NTN4: variants seen among roughly 807,000 people sequenced by gnomAD.
NTN4 encodes the protein netrin 4.
In NTN4, 32 loss-of-function variants were observed where a neutral mutation model predicts 73.6. The observed-to-expected ratio is 0.44, with a 90% CI of 0.33 to 0.58. NTN4 has a LOEUF of 0.58. NTN4 is among the 20% of genes least tolerant of loss of function. NTN4 has a pLI of 0.04. For synonymous variants in NTN4, 258 were observed against 287.5 expected, an observed-to-expected ratio of 0.90 and a Z score of 1.04; for missense variants, 654 against 798.3, an observed-to-expected ratio of 0.82 and a Z score of 2.18.
Position 95,659,230 on chromosome 12 carries a change from AG to A in NTN4, c.1751-9del, listed in dbSNP as rs778588408. ...CTACAAGGTATTCCAAACCTAAAAA[AG>A]AACAAAATTAGGGGCTATACAGTAT... On this transcript the variant is annotated splice_polypyrimidine_tract_variant and intron_variant, in intron 9 of 9. Transcript: ENST00000343702. 2.9e-4 allele frequency: 469 copies of A among 1,606,390 alleles called. No individual in the cohort carries two copies. The highest frequency in any genetic ancestry group is 3.7e-4 in the Non-Finnish European group (436 of 1,177,226).
At chr12:95,680,299 T>C (rs576608943) in intron 7 of NTN4, among the ~76,000 whole-genome samples, 2 of 152,316 alleles carry the variant, frequency 1.3e-5, no homozygotes, top group Admixed American at 1.3e-4. Flanking sequence ...CTACTACAAA[T>C]TCGTAAGAAA....
intron 3 of NTN4, among the ~76,000 whole-genome samples, chr12:95,735,362 C>T (rs1384777775): frequency 6.6e-6 from 1 of 152,154 alleles, no homozygotes; most frequent in East Asian, 1.9e-4. Context: ...GCCTTATCCA[C>T]AGTTTTGGCT....
intron 2 of NTN4, among the ~76,000 whole-genome samples, chr12:95,774,880 G>T (rs1013666497): frequency 2.6e-5 from 4 of 152,178 alleles, no homozygotes; most frequent in Non-Finnish European, 5.9e-5. Flanking sequence ...GTGAAGGAAC[G>T]GAATGTGTAT....
intron 2 of NTN4, among the ~76,000 whole-genome samples, chr12:95,779,337 C>T (rs142651659): frequency 0.88 from 133,800 of 152,228 alleles, 58,868 homozygotes; most frequent in South Asian, 0.91. Context: ...AGAAATAAAG[C>T]GTATTCAATT....
rs571269699 is a variant in NTN4 at position 95,781,405 on chromosome 12, C to G, written c.585+5534G>C. ...CTTGCCAGGAACTCATAGTCCTTGT[C>G]ACTGTCCATTCTATCAAACACAAAT... On this transcript the variant is annotated intron_variant, in intron 2 of 9. Coordinates refer to ENST00000343702, the MANE Select transcript of NTN4 (RefSeq NM_021229.4). The surrounding 1 kb of genome is among the most constrained non-coding windows in gnomAD (Gnocchi z 4.1). Among the ~76,000 whole-genome samples the G allele has an allele frequency of 6.6e-6, 1 of 152,312 alleles. No individual in the cohort carries two copies. The highest frequency in any genetic ancestry group is 1.9e-4 in the East Asian group (1 of 5,184).
At chr12:95,680,113 C>T (rs923700868) in intron 7 of NTN4, among the ~76,000 whole-genome samples, 15 of 152,306 alleles carry the variant, frequency 9.8e-5, no homozygotes, top group Admixed American at 3.3e-4. Context: ...TTTTCTATTA[C>T]ACTAAACATT....
chr12:95,672,981 C>T (rs1469797577), intron 7 of NTN4: 5 of 1,163,032 alleles, frequency 4.3e-6, no homozygotes, highest in Non-Finnish European at 6.5e-6. Context: ...GCTCGAAGCC[C>T]ATCAGGTGCA....
intron 7 of NTN4, among the ~76,000 whole-genome samples, chr12:95,674,624 G>A (rs2078259211): frequency 6.6e-6 from 1 of 152,176 alleles, no homozygotes; most frequent in Non-Finnish European, 1.5e-5. Context: ...AATTAAGGGT[G>A]TTTTGTTGGT....
In NTN4 at chr12:95,790,418, T is replaced by C; in HGVS notation, c.-109A>G. 2 of 958,322 alleles carry C rather than the reference T, an allele frequency of 2.1e-6. No homozygotes were observed. The highest frequency in any genetic ancestry group is 2.9e-6 in the Non-Finnish European group (2 of 689,178). 59.4% of individuals were successfully genotyped at this position (958,322 alleles called of 1,614,324 possible). On this transcript the variant is annotated 5_prime_UTR_variant, in exon 1 of 10. Coordinates refer to ENST00000343702, the MANE Select transcript of NTN4 (RefSeq NM_021229.4). The surrounding 1 kb of genome is among the most constrained non-coding windows in gnomAD (Gnocchi z 6.5). ...TCCTCGGGAGGGAACGGGGCCCTGGTTTCTTCCTCCTCCTGGGGCGCCGGG... is the reference window on the plus strand; with the variant it reads ...TCCTCGGGAGGGAACGGGGCCCTGGCTTCTTCCTCCTCCTGGGGCGCCGGG...
chr12:95,676,719 T>C (rs954085959), intron 7 of NTN4, among the ~76,000 whole-genome samples: 4 of 135,280 alleles, frequency 3.0e-5, no homozygotes, highest in Non-Finnish European at 4.9e-5. Context: ...AAAATAAAGA[T>C]AAGAGCAGAA....
At chr12:95,741,976 C>T (rs1245104754) in intron 2 of NTN4, among the ~76,000 whole-genome samples, 2 of 152,064 alleles carry the variant, frequency 1.3e-5, no homozygotes, top group African/African-American at 4.8e-5. Context: ...ATCATGGACC[C>T]CTTCCTACCT....
chr12:95,725,141 GC>G (rs1429454873), intron 3 of NTN4, among the ~76,000 whole-genome samples: 4 of 151,722 alleles, frequency 2.6e-5, no homozygotes, highest in Non-Finnish European at 5.9e-5. Context: ...GAAAGAGGCA[GC>G]AAAAATAGAA....
At chr12:95,712,094 C>T (rs2078568649) in intron 4 of NTN4, among the ~76,000 whole-genome samples, 2 of 152,158 alleles carry the variant, frequency 1.3e-5, no homozygotes, top group African/African-American at 4.8e-5. Flanking sequence ...ACCCACAGAA[C>T]CTGCTTTTAA....
At chr12:95,750,061 G>C (rs1256151787) in intron 2 of NTN4, among the ~76,000 whole-genome samples, 1 of 151,940 alleles carries the variant, frequency 6.6e-6, no homozygotes, top group Non-Finnish European at 1.5e-5. Context: ...TGCTTTTCTA[G>C]AGGAGGGGCA....
intron 7 of NTN4, among the ~76,000 whole-genome samples, chr12:95,677,887 G>A (rs371747927): frequency 1.6e-4 from 25 of 152,254 alleles, no homozygotes; most frequent in African/African-American, 6.0e-4. Flanking sequence ...ACCTGCACAC[G>A]TATGTTTATT....
Position 95,781,319 on chromosome 12 carries a change from C to A in NTN4, c.585+5620G>T, listed in dbSNP as rs2079131719. 1.3e-5 allele frequency among the ~76,000 whole-genome samples: 2 copies of A among 151,934 alleles called. No homozygotes were observed. The highest frequency in any genetic ancestry group is 4.8e-5 in the African/African-American group (2 of 41,342). The stretch of plus-strand genomic sequence containing the variant: ...AAGTATAATAAAAAAATTTAAAAAA[C>A]CATACCATTACCATAAAGCAAATGT... On this transcript the variant is annotated intron_variant, in intron 2 of 9. Coordinates refer to ENST00000343702, the MANE Select transcript of NTN4 (RefSeq NM_021229.4). The surrounding 1 kb of genome is among the most constrained non-coding windows in gnomAD (Gnocchi z 4.1).
intron 6 of NTN4, among the ~76,000 whole-genome samples, chr12:95,683,085 G>A (rs2120991029): frequency 6.7e-6 from 1 of 148,354 alleles, no homozygotes; most frequent in South Asian, 2.2e-4. Context: ...TTAAAACGGA[G>A]TTTTACTCTT....
At chr12:95,679,594 A>G (rs2078300174) in intron 7 of NTN4, among the ~76,000 whole-genome samples, 1 of 152,140 alleles carries the variant, frequency 6.6e-6, no homozygotes, top group African/African-American at 2.4e-5. Flanking sequence ...CCCAGTTTAA[A>G]TTCTATGAAC....
At chr12:95,712,449 C>G (rs2078571238) in intron 4 of NTN4, among the ~76,000 whole-genome samples, 1 of 152,184 alleles carries the variant, frequency 6.6e-6, no homozygotes, top group African/African-American at 2.4e-5. Context: ...TCTTACTGAG[C>G]CTCAGTTTCC....
Sources: allele counts gnomAD v4.1 joint callset (sites outside exome capture counted in the v4.1 genomes callset), GRCh38; gene constraint gnomAD v4.1.1; non-coding constraint Gnocchi (gnomAD v3.1); transcripts MANE v1.5; gene names NCBI Gene and HGNC (gene_info 2026-07-23, HGNC 2026-07-21).